MIB1: variants seen among roughly 807,000 people sequenced by gnomAD.
MIB1 encodes the protein MIB E3 ubiquitin protein ligase 1, also known as E3 ubiquitin-protein ligase MIB1.
A neutral mutation model predicts 124.5 loss-of-function variants in MIB1; 278 were observed. The ratio of observed to expected loss-of-function variants is 2.23; its 90% confidence interval spans 2.02 to 2.47. The LOEUF is 2.47. Among genes scored for constraint, MIB1 ranks in the 30% most tolerant of loss-of-function variants. The pLI is 0.00. For missense variants in MIB1, 957 were observed against 1,254.4 expected, an observed-to-expected ratio of 0.76 and a Z score of 3.58; for synonymous variants, 446 against 429.4, an observed-to-expected ratio of 1.04 and a Z score of -0.48.
At chr18:21,824,385 CAA>C (rs1245295002) in intron 12 of MIB1, among the ~76,000 whole-genome samples, 4 of 152,106 alleles carry the variant, frequency 2.6e-5, no homozygotes, top group Non-Finnish European at 5.9e-5. Flanking sequence ...GGTCTGTAAA[CAA>C]GACTATGTTG....
intron 12 of MIB1, among the ~76,000 whole-genome samples, chr18:21,836,125 G>A (rs562443872): frequency 6.6e-6 from 1 of 151,802 alleles, no homozygotes; most frequent in Non-Finnish European, 1.5e-5. Context: ...TTGGTGGCAT[G>A]TACCCATACT....
intron 1 of MIB1, among the ~76,000 whole-genome samples, chr18:21,760,258 A>C (rs1202814370): frequency 6.6e-6 from 1 of 152,232 alleles, no homozygotes; most frequent in African/African-American, 2.4e-5. Context: ...AATTGGGTGG[A>C]TGTAGTGAGG....
At chr18:21,754,774 G>A (rs909828178) in intron 1 of MIB1, among the ~76,000 whole-genome samples, 6 of 152,214 alleles carry the variant, frequency 3.9e-5, no homozygotes, top group Non-Finnish European at 7.3e-5. Flanking sequence ...ACAAAAGTTA[G>A]GGCCACAGTG....
Position 21,721,159 on chromosome 18 carries a change from G to GTTTGTTTTTTTT in MIB1, n.167+16039_167+16040insGTTTTTTTTTTT, listed in dbSNP as rs2040712847. Reference sequence around the variant, plus strand: ...TGAAAGATTTAAACATTTTAAAGAAGTTTTTTTTTTTTTTTTTTTTTTTTT... The same window carrying GTTTGTTTTTTTT: ...TGAAAGATTTAAACATTTTAAAGAAGTTTGTTTTTTTTTTTTTTTTTTTTTTTTTTTTTTTTT... On this transcript the variant is annotated intron_variant and non_coding_transcript_variant, in intron 1 of 20. Coordinates refer to the MIB1 transcript ENST00000578646. 4.0e-4 allele frequency among the ~76,000 whole-genome samples: 12 copies of GTTTGTTTTTTTT among 29,764 alleles called. 2 individuals carry two copies. The highest frequency in any genetic ancestry group is 3.6e-3 in the South Asian group (2 of 550). 19.5% of individuals were successfully genotyped at this position (29,764 alleles called of 152,430 possible). A position where few individuals can be genotyped will look rare whatever the true frequency, so the allele number is the denominator to read the frequency against.
rs527801244 is a variant in MIB1 at position 21,818,060 on chromosome 18, C to T, written c.1678-1435C>T. On this transcript the variant is annotated intron_variant, in intron 11 of 20. Coordinates refer to ENST00000261537, the MANE Select transcript of MIB1 (RefSeq NM_020774.4). Reference sequence around the variant, plus strand: ...GTAGTCAGCTTGAAAAAATGGTAGACTGAGATTGCTAAATTTTAATTTACA... The same window carrying T: ...GTAGTCAGCTTGAAAAAATGGTAGATTGAGATTGCTAAATTTTAATTTACA... Among the ~76,000 whole-genome samples, 4 of 152,280 alleles carry T rather than the reference C, an allele frequency of 2.6e-5. No homozygotes were observed. In the East Asian group the frequency reaches 7.7e-4, roughly 29 times the overall value.
chr18:21,836,374 C>T (rs1022068521), intron 12 of MIB1, among the ~76,000 whole-genome samples: 4 of 151,032 alleles, frequency 2.6e-5, no homozygotes, highest in Non-Finnish European at 4.4e-5. Context: ...CCTGCGTTCA[C>T]GCCATTCTCC....
intron 11 of MIB1, 101 bp downstream of exon 11, chr18:21,815,914 A>C: frequency 9.6e-7 from 1 of 1,037,656 alleles, no homozygotes; most frequent in South Asian, 1.6e-5. Context: ...CCGTTCTCAT[A>C]TGTCATAGTA....
intron 15 of MIB1, among the ~76,000 whole-genome samples, 176 bp from the exon 16 acceptor site, chr18:21,846,768 C>T (rs1441367237): frequency 6.6e-6 from 1 of 152,104 alleles, no homozygotes; most frequent in African/African-American, 2.4e-5. Flanking sequence ...TCCACCTCTA[C>T]AACTGGAGAA....
At chr18:21,842,129 A>G (rs2146504128) in intron 13 of MIB1, among the ~76,000 whole-genome samples, 1 of 150,612 alleles carries the variant, frequency 6.6e-6, no homozygotes, top group Non-Finnish European at 1.5e-5. Flanking sequence ...GAAGAAAAGA[A>G]GCTGAGATCA....
At chr18:21,721,159 GTTTTTTTTTTTTTTTTTTTTTTTTTTTT>G in intron 1 of MIB1, among the ~76,000 whole-genome samples, 1 of 29,764 alleles carries the variant, frequency 3.4e-5, no homozygotes, top group South Asian at 1.8e-3. Context: ...TTTTAAAGAA[GTTTTTTTTTTTTTTTTTTTTTTTTTTTT>G]TTTTTTTTTT....
intron 1 of MIB1, among the ~76,000 whole-genome samples, chr18:21,732,057 G>A (rs909909878): frequency 6.6e-6 from 1 of 151,682 alleles, no homozygotes; most frequent in Non-Finnish European, 1.5e-5. Flanking sequence ...CAGGCGCGGT[G>A]GCTCATGCCT....
intron 1 of MIB1, among the ~76,000 whole-genome samples, chr18:21,707,627 C>G (rs540551423): frequency 6.6e-6 from 1 of 152,072 alleles, no homozygotes; most frequent in Non-Finnish European, 1.5e-5. Flanking sequence ...CAAACACATC[C>G]GAAGATCAGA....
At chr18:21,852,325 A>G (rs573817887) in intron 17 of MIB1, among the ~76,000 whole-genome samples, 1 of 152,288 alleles carries the variant, frequency 6.6e-6, no homozygotes, top group East Asian at 1.9e-4. Flanking sequence ...GCACACGTGC[A>G]TGTATTTGGT....
chr18:21,779,461 A>C lies in MIB1; in HGVS notation c.704-20A>C, dbSNP rs768048743. On this transcript the variant is annotated intron_variant, in intron 5 of 20. Transcript: ENST00000261537. ...GTGAGGTTTTTTTCTCCCTTTATTC[A>C]ATTGCCTCTGAAATTACAGGTGAGC... The C allele has an allele frequency of 1.2e-6, 2 of 1,607,380 alleles. No homozygotes were observed. The highest frequency in any genetic ancestry group is 1.7e-6 in the Non-Finnish European group (2 of 1,174,026).
chr18:21,710,294 A>G (rs964767132), intron 1 of MIB1, among the ~76,000 whole-genome samples: 3 of 151,896 alleles, frequency 2.0e-5, no homozygotes, highest in African/African-American at 7.2e-5. Flanking sequence ...CGGTTTCACC[A>G]TATTGGCCAG....
At chr18:21,785,670 A>T (rs1296237700) in intron 6 of MIB1, among the ~76,000 whole-genome samples, 1 of 152,110 alleles carries the variant, frequency 6.6e-6, no homozygotes, top group Non-Finnish European at 1.5e-5. Flanking sequence ...TATTAAGAGT[A>T]TTCTGAATCT....
chr18:21,761,896 C>T (rs1246562870), intron 1 of MIB1, among the ~76,000 whole-genome samples: 2 of 151,752 alleles, frequency 1.3e-5, no homozygotes, highest in Non-Finnish European at 2.9e-5. Flanking sequence ...TACACACATG[C>T]CGATGAGAGC....
rs771083070 is a variant in MIB1 at position 21,798,204 on chromosome 18, T to C, written c.1213T>C (p.Ser405Pro). The C allele has an allele frequency of 2.5e-6, 4 of 1,613,100 alleles. No individual in the cohort carries two copies. The Admixed American group carries it at 5.0e-5, about 20-fold the overall frequency. ...AGTTTCCAAGGTGGCATCTGCAGGA[T>C]CAGCCATTAGCAATGCATCTGGTGG... ...AAVSKVASAG[S>P]AISNASGERL... is the part of the protein sequence containing the mutation. The change falls in exon 8 of 21, where the codon TCA becomes CCA. Residue 405 changes from serine to proline, a missense_variant. By Grantham distance (74) the Ser-to-Pro change is moderately conservative. Coordinates refer to ENST00000261537, the MANE Select transcript of MIB1 (RefSeq NM_020774.4).
chr18:21,817,802 G>A (rs960078627), intron 11 of MIB1: 1 of 292,930 alleles, frequency 3.4e-6, no homozygotes, highest in South Asian at 3.0e-5. Context: ...ACAGTGACTG[G>A]GGAGACAAAC....
Sources: gnomAD v4.1 joint callset for allele counts (sites outside exome capture counted in the v4.1 genomes callset) on GRCh38, gnomAD v4.1.1 for gene constraint, MANE v1.5 for transcripts, NCBI Gene and HGNC (gene_info 2026-07-23, HGNC 2026-07-21) for gene names.